Variants in HECW2 observed in about 807,000 individuals in gnomAD.
HECW2 encodes the protein HECT, C2 and WW domain containing E3 ubiquitin protein ligase 2.
HECW2 carries 61 observed loss-of-function variants against 175.2 expected under a neutral mutation model. The ratio of observed to expected loss-of-function variants is 0.35; its 90% CI spans 0.28 to 0.43. The LOEUF (loss-of-function observed/expected upper bound fraction) is 0.43. Among genes scored for constraint, HECW2 ranks in the 20% least tolerant of loss-of-function variants. HECW2 has a pLI of 1.00. For synonymous variants in HECW2, 671 were observed against 731.0 expected, an observed-to-expected ratio of 0.92 and a Z score of 1.32; for missense variants, 1,524 against 2,000.5, an observed-to-expected ratio of 0.76 and a Z score of 4.54.
intron 2 of HECW2, among the ~76,000 whole-genome samples, chr2:196,414,832 C>T (rs1695210765): frequency 6.6e-6 from 1 of 152,206 alleles, no homozygotes; most frequent in Non-Finnish European, 1.5e-5. Flanking sequence ...ATTGTCAGCA[C>T]AGCCCCTCTC....
intron 18 of HECW2, among the ~76,000 whole-genome samples, chr2:196,257,427 CA>C (rs944578848): frequency 5.7e-4 from 28 of 48,904 alleles, no homozygotes; most frequent in African/African-American, 1.1e-3. Context: ...CTTGAGTCAG[CA>C]AAAGGGGACA....
intron 15 of HECW2, 148 bp from the exon 16 acceptor site, chr2:196,274,271 G>C: frequency 4.9e-6 from 3 of 614,412 alleles, no homozygotes; most frequent in Non-Finnish European, 8.6e-6. Flanking sequence ...GCTGAAGCAG[G>C]GTTCTTAGTT....
At chr2:196,232,541 A>G (rs1157612499) in intron 21 of HECW2, among the ~76,000 whole-genome samples, 1 of 152,200 alleles carries the variant, frequency 6.6e-6, no homozygotes, top group Admixed American at 6.5e-5. Flanking sequence ...TATCTAGCAG[A>G]TTTGCACATT....
At chr2:196,475,957 T>C (rs1279402645) in intron 1 of HECW2, among the ~76,000 whole-genome samples, 1 of 152,236 alleles carries the variant, frequency 6.6e-6, no homozygotes, top group African/African-American at 2.4e-5. Context: ...TTGCACATTT[T>C]TCCAGCCTCG....
In HECW2 at chr2:196,273,049, A is replaced by ATT. The variant is rs778348590; in HGVS notation, c.3238+970_3238+971dup. Among the ~76,000 whole-genome samples, 23 of 113,108 alleles carry ATT rather than the reference A, an allele frequency of 2.0e-4. 1 individual carries two copies. The highest frequency in any genetic ancestry group is 8.1e-4 in the African/African-American group (21 of 26,002). The allele number at this position is 113,108 out of a possible 152,430, so 74.2% of individuals were successfully genotyped here. ...CAAAGATAAATGGAGAGCTGGTCTA[A>ATT]TTTTTTTTTTTTTTTTTTTTTTTTT... On this transcript the variant is annotated intron_variant, in intron 16 of 28. Transcript: ENST00000644978.
At chr2:196,295,840 C>A (rs935310206) in intron 13 of HECW2, among the ~76,000 whole-genome samples, 26 of 152,150 alleles carry the variant, frequency 1.7e-4, no homozygotes, top group African/African-American at 5.1e-4. Flanking sequence ...TTAATTATGT[C>A]ATTTCATCTT....
At chr2:196,260,138 G>T (rs1370017939) in intron 17 of HECW2, 1 of 152,204 alleles carries the variant, frequency 6.6e-6, no homozygotes, top group Non-Finnish European at 1.5e-5. Flanking sequence ...ATGAGAAAAA[G>T]AAAGGACAAA....
intron 14 of HECW2, among the ~76,000 whole-genome samples, chr2:196,283,333 C>T (rs1575353739): frequency 2.7e-5 from 4 of 150,638 alleles, no homozygotes; most frequent in South Asian, 4.2e-4. Flanking sequence ...CCCTGGTCAA[C>T]CCTAGACTGC....
chr2:196,522,200 T>C (rs921857013), intron 1 of HECW2, among the ~76,000 whole-genome samples: 112 of 152,220 alleles, frequency 7.4e-4, no homozygotes, highest in African/African-American at 2.5e-3. Context: ...CGGTATCTCA[T>C]TGTGGTTTTG....
intron 20 of HECW2, 30 bp from the exon 21 acceptor site, chr2:196,240,592 C>A: frequency 6.5e-7 from 1 of 1,535,016 alleles, no homozygotes; most frequent in Non-Finnish European, 8.8e-7. Context: ...TTAGAAAATA[C>A]AAATTATTAC....
chr2:196,561,611 C>T (rs1451165364), intron 1 of HECW2, among the ~76,000 whole-genome samples: 1 of 152,162 alleles, frequency 6.6e-6, no homozygotes, highest in Non-Finnish European at 1.5e-5. Flanking sequence ...GGCCACCTAG[C>T]TTTAAAATTT....
chr2:196,553,626 T>C (rs926770953), intron 1 of HECW2, among the ~76,000 whole-genome samples: 5 of 152,142 alleles, frequency 3.3e-5, no homozygotes, highest in African/African-American at 1.2e-4. Flanking sequence ...CAAGAAAACA[T>C]GGTAGAAAAT....
At chr2:196,496,151 T>TA (rs1035665360) in intron 1 of HECW2, among the ~76,000 whole-genome samples, 32 of 152,078 alleles carry the variant, frequency 2.1e-4, no homozygotes, top group African/African-American at 6.7e-4. Flanking sequence ...AGATCTGCTT[T>TA]AAAAAAATTG....
In HECW2 at chr2:196,501,153, T is replaced by A. The variant is rs531929884; in HGVS notation, c.-35-67695A>T. On this transcript the variant is annotated intron_variant, in intron 1 of 28. Coordinates refer to ENST00000644978, the MANE Select transcript of HECW2 (RefSeq NM_001348768.2). The stretch of plus-strand genomic sequence containing the variant: ...CCCTAAAATATCAGAATAACTTTTT[T>A]AAATTATAAGTTATAAAAGGTGACT... 1.8e-4 allele frequency among the ~76,000 whole-genome samples: 27 copies of A among 152,370 alleles called. 1 individual carries two copies. The South Asian group carries it at 5.0e-3, about 28-fold the overall frequency.
chr2:196,434,306 C>G (rs72912750), intron 1 of HECW2, among the ~76,000 whole-genome samples: 6,452 of 152,268 alleles, frequency 0.042, 198 homozygotes, highest in Non-Finnish European at 0.07. Context: ...TATCTCCAGT[C>G]CCTTTCCTGA....
At chr2:196,359,344 A>G (rs1693502264) in intron 2 of HECW2, among the ~76,000 whole-genome samples, 2 of 152,130 alleles carry the variant, frequency 1.3e-5, no homozygotes, top group Admixed American at 1.3e-4. Context: ...GCTACTCAGG[A>G]GGCTGAGGCA....
At chr2:196,413,940 C>A (rs1695185628) in intron 2 of HECW2, among the ~76,000 whole-genome samples, 1 of 152,124 alleles carries the variant, frequency 6.6e-6, no homozygotes, top group South Asian at 2.1e-4. Flanking sequence ...TTCCATCACC[C>A]CGTGCTTCAA....
intron 1 of HECW2, among the ~76,000 whole-genome samples, chr2:196,464,340 G>C (rs1435615829): frequency 6.6e-6 from 1 of 152,158 alleles, no homozygotes; most frequent in Non-Finnish European, 1.5e-5. Flanking sequence ...CAATAGTAAC[G>C]CTGGGAGTTA....
At chr2:196,518,538 C>T (rs1688230204) in intron 1 of HECW2, among the ~76,000 whole-genome samples, 1 of 151,556 alleles carries the variant, frequency 6.6e-6, no homozygotes, top group Admixed American at 6.6e-5. Context: ...GCCTGTAATT[C>T]CAGCTACTCG....
Sources: gnomAD v4.1 joint callset for allele counts (sites outside exome capture counted in the v4.1 genomes callset) on GRCh38, gnomAD v4.1.1 for gene constraint, MANE v1.5 for transcripts, NCBI Gene and HGNC (gene_info 2026-07-23, HGNC 2026-07-21) for gene names.